The following MGRN1 variants were observed in gnomAD, a reference collection of about 807,000 sequenced individuals.
MGRN1 encodes mahogunin ring finger 1, also known as E3 ubiquitin-protein ligase MGRN1.
In MGRN1, 29 loss-of-function variants were observed where a neutral mutation model predicts 69.2. The ratio of observed to expected loss-of-function variants is 0.42; its 90% CI spans 0.31 to 0.57. The LOEUF (loss-of-function observed/expected upper bound fraction) is 0.57. Among genes scored for constraint, MGRN1 ranks in the 20% least tolerant of loss-of-function variants. The pLI is 0.15. For missense variants in MGRN1, 998 were observed against 796.2 expected (o/e 1.25, Z -3.05); for synonymous variants, 470 against 344.2 (o/e 1.37, Z -4.04).
chr16:4,646,587 A>AAG (rs1266744636), intron 1 of MGRN1, among the ~76,000 whole-genome samples: 3 of 151,958 alleles, frequency 2.0e-5, no homozygotes, highest in Non-Finnish European at 4.4e-5. Flanking sequence ...GGGTGTCCTC[A>AAG]CAGCATGGTG....
chr16:4,677,618 A>G, intron 11 of MGRN1, 46 bp downstream of exon 11: 3 of 1,569,404 alleles, frequency 1.9e-6, no homozygotes, highest in Non-Finnish European at 2.6e-6. Context: ...GAGGGGCATG[A>G]GTGCCTGGGC....
chr16:4,647,662 C>A (rs964856613), intron 1 of MGRN1, among the ~76,000 whole-genome samples: 1 of 152,238 alleles, frequency 6.6e-6, no homozygotes, highest in Non-Finnish European at 1.5e-5. Context: ...TTTTCTTTAA[C>A]CTGCAAATAC....
chr16:4,642,377 A>G (rs930749197), intron 1 of MGRN1, among the ~76,000 whole-genome samples: 2 of 151,830 alleles, frequency 1.3e-5, no homozygotes, highest in East Asian at 3.9e-4. Flanking sequence ...CGCTCACGGT[A>G]ACCTTCGTCT....
At chr16:4,632,495 G>A (rs532825948) in intron 1 of MGRN1, among the ~76,000 whole-genome samples, 10 of 151,736 alleles carry the variant, frequency 6.6e-5, no homozygotes, top group African/African-American at 2.2e-4. Context: ...CCGGGTTCAC[G>A]CCATTCTCCT....
intron 1 of MGRN1, among the ~76,000 whole-genome samples, chr16:4,628,529 T>G (rs1262317689): frequency 6.7e-6 from 1 of 150,142 alleles, no homozygotes; most frequent in East Asian, 2.1e-4. Flanking sequence ...ACCCCCACCC[T>G]CAGCCCATCA....
intron 11 of MGRN1, among the ~76,000 whole-genome samples, chr16:4,678,886 C>G (rs535968326): frequency 6.6e-6 from 1 of 152,288 alleles, no homozygotes; most frequent in Admixed American, 6.5e-5. Context: ...AGGGCCTTGA[C>G]CTGGGCCCTA....
At chr16:4,675,274 G>A (rs2079031178) in intron 10 of MGRN1, among the ~76,000 whole-genome samples, 1 of 151,966 alleles carries the variant, frequency 6.6e-6, no homozygotes, top group Non-Finnish European at 1.5e-5. Flanking sequence ...GCCCTGCCTT[G>A]TTTTTAAAAT....
rs575545090 is a variant in MGRN1 at position 4,647,025 on chromosome 16, GT to G, written c.89-3339del. On this transcript the variant is annotated intron_variant, in intron 1 of 16. Transcript: ENST00000262370. ...TCAGCGCTGGGGAGAGCCTGGAAGG[GT>G]GGGGGCTGATCACTGCTAAGGGTGC... Among the ~76,000 whole-genome samples the G allele has an allele frequency of 5.0e-3, 762 of 152,360 alleles. 4 individuals carry two copies. The highest frequency in any genetic ancestry group is 8.7e-3 in the Non-Finnish European group (595 of 68,022).
At chr16:4,635,801 ATTTTTTTTTTT>A (rs34343082) in intron 1 of MGRN1, among the ~76,000 whole-genome samples, 1 of 125,696 alleles carries the variant, frequency 8.0e-6, no homozygotes, top group Admixed American at 8.0e-5. Flanking sequence ...CGCCCAGCTA[ATTTTTTTTTTT>A]TTTTTTTTGT....
chr16:4,673,426 C>A (rs559783748), intron 9 of MGRN1, 72 bp from the exon 10 acceptor site: 1 of 1,561,266 alleles, frequency 6.4e-7, no homozygotes, highest in African/African-American at 1.3e-5. Flanking sequence ...GGTGGGACAG[C>A]TGGGGACAGG....
rs1297715447 is a variant in MGRN1 at position 4,628,404 on chromosome 16, G to A, written c.88+3356G>A. 3.0e-4 allele frequency among the ~76,000 whole-genome samples: 44 copies of A among 145,740 alleles called. 1 individual carries two copies. Among genetic ancestry groups the A allele is most frequent in the African/African-American group, 1.1e-3 (43 of 39,032 alleles). ...TGTCTCCAAAAAAAAAAAAAAAAAAGGAGGGGACATTGAAGCAACAACAAC... is the reference window on the plus strand; with the variant it reads ...TGTCTCCAAAAAAAAAAAAAAAAAAAGAGGGGACATTGAAGCAACAACAAC... On this transcript the variant is annotated intron_variant, in intron 1 of 16. Coordinates refer to ENST00000262370, the MANE Select transcript of MGRN1 (RefSeq NM_015246.4).
rs745567756 is a variant in MGRN1, at chr16:4,681,779, G to GAGC, written c.1358+10_1358+12dup. 2.9e-5 allele frequency: 47 copies of GAGC among 1,608,812 alleles called. No homozygotes were observed. The stretch of plus-strand genomic sequence containing the variant: ...CCGCAGAGCAAGGCCCCCGACAGGT[G>GAGC]AGCAGCAGCCAGGCCAGGTGCATGG... On this transcript the variant is annotated splice_donor_region_variant and intron_variant, in intron 13 of 16. Transcript: ENST00000262370.
At chr16:4,667,679 C>G (rs564600822) in intron 7 of MGRN1, among the ~76,000 whole-genome samples, 4 of 152,152 alleles carry the variant, frequency 2.6e-5, no homozygotes, top group African/African-American at 9.7e-5. Flanking sequence ...AGTGTTGTTG[C>G]GAGGTCTCCG....
chr16:4,642,923 A>C (rs2078194366), intron 1 of MGRN1, among the ~76,000 whole-genome samples: 1 of 151,644 alleles, frequency 6.6e-6, no homozygotes, highest in African/African-American at 2.4e-5. Flanking sequence ...AGTACCTTGG[A>C]CTGCAAGTAC....
At chr16:4,673,447 C>A (rs747034859) in intron 9 of MGRN1, 51 bp from the exon 10 acceptor site, 2 of 1,589,350 alleles carry the variant, frequency 1.3e-6, no homozygotes, top group South Asian at 2.3e-5. Context: ...AAGCAGGAGC[C>A]GTACTCTGGC....
At chr16:4,638,481 A>G (rs1328145514) in intron 1 of MGRN1, among the ~76,000 whole-genome samples, 6 of 150,602 alleles carry the variant, frequency 4.0e-5, no homozygotes, top group African/African-American at 1.5e-4. Context: ...AAAAATAAAT[A>G]AATATCTCAG....
chr16:4,685,762 G>A (rs1415997677), intron 16 of MGRN1, among the ~76,000 whole-genome samples: 7 of 152,352 alleles, frequency 4.6e-5, no homozygotes, highest in African/African-American at 1.2e-4. Flanking sequence ...GTGTCTGTGC[G>A]TAAGGCATGA....
chr16:4,668,134 TTTTTC>T, intron 7 of MGRN1, 126 bp from the exon 8 acceptor site: 2 of 618,740 alleles, frequency 3.2e-6, no homozygotes, highest in Non-Finnish European at 5.4e-6. Flanking sequence ...CTTTTTTTTT[TTTTTC>T]TTTTTTCTTT....
At chr16:4,634,995 G>C (rs1898206039) in intron 1 of MGRN1, 1 of 152,368 alleles carries the variant, frequency 6.6e-6, no homozygotes, top group African/African-American at 2.4e-5. Context: ...GATGCTCTCT[G>C]TGATGTCTCT....
Sources: allele counts gnomAD v4.1 joint callset (sites outside exome capture counted in the v4.1 genomes callset), GRCh38; gene constraint gnomAD v4.1.1; transcripts MANE v1.5; gene names NCBI Gene and HGNC (gene_info 2026-07-23, HGNC 2026-07-21).